PDE1C: variants seen among roughly 807,000 people sequenced by gnomAD.
PDE1C encodes phosphodiesterase 1C.
In PDE1C, 62 loss-of-function variants were observed where a neutral mutation model predicts 93.1. The observed-to-expected ratio is 0.67, with a 90% CI of 0.54 to 0.82. PDE1C has a LOEUF of 0.82. Ranked by LOEUF, PDE1C falls within the 40% of genes least tolerant of loss-of-function variation. PDE1C has a pLI of 0.00. For synonymous variants in PDE1C, 325 were observed against 310.1 expected (o/e 1.05, Z -0.50); for missense variants, 742 against 884.6 (o/e 0.84, Z 2.04).
chr7:31,684,796 C>A, the PDE1C span, among the ~76,000 whole-genome samples: 1 of 152,162 alleles, frequency 6.6e-6, no homozygotes, highest in Non-Finnish European at 1.5e-5. Context: ...TACAGAGAAA[C>A]TGGACCCTTC....
chr7:31,633,022 G>A, the PDE1C span, among the ~76,000 whole-genome samples: 1 of 152,076 alleles, frequency 6.6e-6, no homozygotes, highest in African/African-American at 2.4e-5. Context: ...GAGTAACTGG[G>A]ATTACAGGTG....
chr7:32,223,149 C>T (rs970695168), intron 1 of PDE1C, among the ~76,000 whole-genome samples: 20 of 152,216 alleles, frequency 1.3e-4, no homozygotes, highest in African/African-American at 4.8e-4. Context: ...AAATCCCTTC[C>T]TGTCCAGAGT....
chr7:31,708,984 G>A, the PDE1C span, among the ~76,000 whole-genome samples: 1 of 152,146 alleles, frequency 6.6e-6, no homozygotes, highest in African/African-American at 2.4e-5. Context: ...GTGAAGGAGG[G>A]CACCATAAAG....
chr7:32,378,755 C>T (rs537898562), intron 1 of PDE1C, among the ~76,000 whole-genome samples: 1 of 152,306 alleles, frequency 6.6e-6, no homozygotes. Context: ...GGTACCCCAA[C>T]CAATCAGCAG....
At chr7:31,949,927 G>A (rs1464071070) in intron 2 of PDE1C, among the ~76,000 whole-genome samples, 1 of 152,048 alleles carries the variant, frequency 6.6e-6, no homozygotes, top group Non-Finnish European at 1.5e-5. Context: ...TTTCTGATTA[G>A]CTGGTTTTCT....
chr7:32,268,427 G>T (rs998019836), intron 1 of PDE1C, among the ~76,000 whole-genome samples: 2 of 152,122 alleles, frequency 1.3e-5, no homozygotes, highest in Non-Finnish European at 2.9e-5. Flanking sequence ...TAGGAGGATT[G>T]AATATATATA....
At chr7:32,250,279 A>G (rs1809267713) in intron 1 of PDE1C, among the ~76,000 whole-genome samples, 1 of 152,212 alleles carries the variant, frequency 6.6e-6, no homozygotes, top group Admixed American at 6.5e-5. Context: ...GAATGACAGG[A>G]AAAGGAGACC....
At chr7:32,053,011 G>C (rs188680986) in intron 1 of PDE1C, among the ~76,000 whole-genome samples, 1 of 152,230 alleles carries the variant, frequency 6.6e-6, no homozygotes, top group Non-Finnish European at 1.5e-5. Context: ...GGACTATATA[G>C]AGATATTTCC....
rs1389052956 is a variant in PDE1C at position 32,039,984 on chromosome 7, A to G, written c.128+11570T>C. ...ACTGTGTTTATATAAGCCACACAATATTAACCCTTCAAGACAACTTTAAAA... is the reference window on the plus strand; with the variant it reads ...ACTGTGTTTATATAAGCCACACAATGTTAACCCTTCAAGACAACTTTAAAA... On this transcript the variant is annotated intron_variant, in intron 2 of 17. Transcript: ENST00000396191. Among the ~76,000 whole-genome samples the G allele has an allele frequency of 2.6e-5, 4 of 152,198 alleles. No homozygotes were observed. In the East Asian group the frequency reaches 5.8e-4, roughly 22 times the overall value.
At chr7:31,745,970 C>T in the PDE1C span, among the ~76,000 whole-genome samples, 2 of 152,208 alleles carry the variant, frequency 1.3e-5, no homozygotes, top group East Asian at 3.9e-4. Context: ...CAGGAGTACC[C>T]AGATCTCTCT....
At chr7:32,334,554 C>A (rs571170403) in intron 1 of PDE1C, among the ~76,000 whole-genome samples, 1 of 152,160 alleles carries the variant, frequency 6.6e-6, no homozygotes, top group East Asian at 1.9e-4. Context: ...ATACACTACA[C>A]CCTATTCATA....
intron 16 of PDE1C, among the ~76,000 whole-genome samples, chr7:31,806,527 C>T (rs1786848826): frequency 2.0e-5 from 3 of 151,960 alleles, no homozygotes; most frequent in Admixed American, 2.0e-4. Flanking sequence ...TAGAAAATTA[C>T]TGCTGCAAGG....
At chr7:31,875,820 T>TATATATATATATATATATAC (rs1554387782) in intron 5 of PDE1C, among the ~76,000 whole-genome samples, 1 of 87,198 alleles carries the variant, frequency 1.1e-5, no homozygotes, top group African/African-American at 4.7e-5. Context: ...TATATATATA[T>TATATATATATATATATATAC]ATATATATAT....
intron 2 of PDE1C, among the ~76,000 whole-genome samples, chr7:31,972,138 T>G (rs1437854808): frequency 2.0e-5 from 3 of 152,222 alleles, no homozygotes; most frequent in Non-Finnish European, 2.9e-5. Flanking sequence ...TACAAATCAC[T>G]TATTTGCCAA....
chr7:31,981,669 T>G (rs1812393499), intron 2 of PDE1C, among the ~76,000 whole-genome samples: 1 of 152,230 alleles, frequency 6.6e-6, no homozygotes, highest in African/African-American at 2.4e-5. Flanking sequence ...AAAGCACTTT[T>G]TCTAGACAGC....
At chr7:31,681,361 AT>A in the PDE1C span, among the ~76,000 whole-genome samples, 1 of 127,300 alleles carries the variant, frequency 7.9e-6, no homozygotes, top group Non-Finnish European at 1.6e-5. Context: ...GGATGGATGG[AT>A]GGATGGACGG....
At chr7:31,684,443 T>C in the PDE1C span, among the ~76,000 whole-genome samples, 1 of 152,192 alleles carries the variant, frequency 6.6e-6, no homozygotes, top group Non-Finnish European at 1.5e-5. Flanking sequence ...TTAAAAGCTA[T>C]GCTTTGTGAA....
At chr7:32,056,412 T>A (rs924473494) in intron 1 of PDE1C, among the ~76,000 whole-genome samples, 1 of 148,396 alleles carries the variant, frequency 6.7e-6, no homozygotes, top group African/African-American at 2.5e-5. Flanking sequence ...CACAGCTTCA[T>A]CTGTTTGTCG....
intron 1 of PDE1C, among the ~76,000 whole-genome samples, chr7:32,224,141 G>C (rs1807078410): frequency 1.3e-5 from 2 of 152,234 alleles, no homozygotes; most frequent in South Asian, 4.1e-4. Flanking sequence ...GGGAGGCCGA[G>C]GTGGGTGGAT....
Sources: allele counts gnomAD v4.1 joint callset (sites outside exome capture counted in the v4.1 genomes callset), GRCh38; gene constraint gnomAD v4.1.1; transcripts MANE v1.5; gene names NCBI Gene and HGNC (gene_info 2026-07-23, HGNC 2026-07-21).